Variants in AKAP12 observed in about 807,000 individuals in gnomAD.
AKAP12 encodes the protein A-kinase anchoring protein 12.
Under a neutral mutation model 79.9 loss-of-function variants are expected in AKAP12, and 32 were observed. The observed-to-expected ratio is 0.40, with a 90% CI of 0.30 to 0.54. The LOEUF is 0.54. AKAP12 is among the 20% of genes least tolerant of loss of function. The probability of loss-of-function intolerance (pLI) is 0.48; values close to 1 mark genes in which losing one functional copy is unlikely to be tolerated. For missense variants in AKAP12, 2,074 were observed against 2,177.0 expected (o/e 0.95, Z 0.94); for synonymous variants, 808 against 857.0 (o/e 0.94, Z 1.00).
intron 3 of AKAP12, 93 bp downstream of exon 3, chr6:151,305,996 G>C: frequency 1.5e-6 from 2 of 1,363,068 alleles, no homozygotes; most frequent in South Asian, 3.0e-5. Flanking sequence ...CCTGGTGGTG[G>C]ATTGGTGTTA....
chr6:151,278,594 TTGAC>T (rs1191094636), intron 2 of AKAP12, among the ~76,000 whole-genome samples: 6 of 152,218 alleles, frequency 3.9e-5, no homozygotes. Flanking sequence ...GTTCTGTTCT[TTGAC>T]TACTGTTGTA....
intron 2 of AKAP12, among the ~76,000 whole-genome samples, chr6:151,268,254 C>A (rs981473232): frequency 6.6e-6 from 1 of 152,010 alleles, no homozygotes; most frequent in Non-Finnish European, 1.5e-5. Context: ...TGTATTTCTA[C>A]TAGAAATACA....
In AKAP12 at chr6:151,354,961, G is replaced by A. The variant is rs150852567; in HGVS notation, c.*13-766G>A. On this transcript the variant is annotated intron_variant, in intron 4 of 4. Coordinates refer to ENST00000402676, the MANE Select transcript of AKAP12 (RefSeq NM_005100.4). ...CTCCCAAAGTGCTAGGATTACAGTCGTGAGCCACTGTGCTCAACCCATCTT... is the reference window on the plus strand; with the variant it reads ...CTCCCAAAGTGCTAGGATTACAGTCATGAGCCACTGTGCTCAACCCATCTT... Among the ~76,000 whole-genome samples, 335 of 152,098 alleles carry A rather than the reference G, an allele frequency of 2.2e-3. 3 individuals are homozygous for A. Among genetic ancestry groups the A allele is most frequent in the East Asian group, 0.013 (68 of 5,154 alleles).
intron 2 of AKAP12, among the ~76,000 whole-genome samples, chr6:151,302,442 G>A (rs992588884): frequency 2.0e-5 from 3 of 152,136 alleles, no homozygotes; most frequent in South Asian, 2.1e-4. Flanking sequence ...TACAGCGCAC[G>A]TCACAGTGCC....
At chr6:151,246,426 A>C (rs995721628) in intron 2 of AKAP12, among the ~76,000 whole-genome samples, 1 of 151,984 alleles carries the variant, frequency 6.6e-6, no homozygotes, top group African/African-American at 2.4e-5. Flanking sequence ...TCAAAAACAA[A>C]AACAAAAACA....
Position 151,352,881 on chromosome 6 carries a change from G to C in AKAP12, c.4490G>C (p.Ser1497Thr). ...TCTGCTACTACCAAGAAAGGCTTAAGTTCCGACCTGGAAGGAGAGAAAACC... is the reference window on the plus strand; with the variant it reads ...TCTGCTACTACCAAGAAAGGCTTAACTTCCGACCTGGAAGGAGAGAAAACC... ...IVSATTKKGL[S>T]SDLEGEKTTS... Residue 1497 changes from serine to threonine, a missense_variant, in exon 4 of 5, where the codon AGT (serine) becomes ACT (threonine). Physicochemically the swap from Ser to Thr is moderately conservative, Grantham distance 58 (BLOSUM62 1). This residue lies in a region of AKAP12 where 614 missense variants were observed against 665.6 expected (regional missense o/e 0.92). Transcript: ENST00000402676. 1.9e-6 allele frequency: 3 copies of C among 1,614,218 alleles called. No homozygotes were observed. Among genetic ancestry groups the C allele is most frequent in the Non-Finnish European group, 2.5e-6 (3 of 1,180,054 alleles).
At chr6:151,281,406 G>A (rs1210593147) in intron 2 of AKAP12, among the ~76,000 whole-genome samples, 2 of 152,162 alleles carry the variant, frequency 1.3e-5, no homozygotes, top group Non-Finnish European at 2.9e-5. Flanking sequence ...AGAGATAACT[G>A]TAATTCTGTA....
chr6:151,299,145 C>T (rs922064343), intron 2 of AKAP12, among the ~76,000 whole-genome samples: 17 of 152,138 alleles, frequency 1.1e-4, no homozygotes, highest in African/African-American at 3.9e-4. Flanking sequence ...TGCTTGGCTC[C>T]GTCCCGTTCA....
intron 2 of AKAP12, among the ~76,000 whole-genome samples, chr6:151,270,123 C>G (rs750191001): frequency 1.1e-4 from 16 of 152,282 alleles, no homozygotes; most frequent in Non-Finnish European, 1.8e-4. Context: ...GTGGCGAGAT[C>G]TTGGCTCACT....
chr6:151,307,584 C>T (rs1257204821), intron 3 of AKAP12, among the ~76,000 whole-genome samples: 1 of 152,114 alleles, frequency 6.6e-6, no homozygotes, highest in East Asian at 1.9e-4. Context: ...AGGGATGGGG[C>T]AGGGACACAG....
intron 2 of AKAP12, among the ~76,000 whole-genome samples, chr6:151,295,438 TG>T (rs763945838): frequency 3.3e-5 from 5 of 152,168 alleles, no homozygotes; most frequent in Non-Finnish European, 7.3e-5. Context: ...CAGAAAAATC[TG>T]GGATTTGTAG....
At chr6:151,297,617 TG>T (rs1776765511) in intron 2 of AKAP12, among the ~76,000 whole-genome samples, 2 of 151,536 alleles carry the variant, frequency 1.3e-5, no homozygotes, top group African/African-American at 4.9e-5. Flanking sequence ...TTTCTCTTCC[TG>T]TGTGCAAGTC....
intron 2 of AKAP12, among the ~76,000 whole-genome samples, chr6:151,270,956 A>T (rs143082852): frequency 6.6e-6 from 1 of 152,348 alleles, no homozygotes; most frequent in East Asian, 1.9e-4. Context: ...GCTTCTGAAT[A>T]ACAGTTCTTA....
At chr6:151,326,609 G>A (rs1459197450) in intron 3 of AKAP12, among the ~76,000 whole-genome samples, 4 of 151,682 alleles carry the variant, frequency 2.6e-5, no homozygotes, top group Non-Finnish European at 4.4e-5. Context: ...TAACTTACAC[G>A]CATCAAACTT....
chr6:151,306,317 C>T (rs7746910), intron 3 of AKAP12, among the ~76,000 whole-genome samples: 3,321 of 152,178 alleles, frequency 0.022, 108 homozygotes, highest in African/African-American at 0.077. Flanking sequence ...TGATGTGCTG[C>T]GTGTTTTATA....
intron 2 of AKAP12, among the ~76,000 whole-genome samples, chr6:151,254,876 G>C (rs1797261220): frequency 6.6e-6 from 1 of 152,164 alleles, no homozygotes; most frequent in African/African-American, 2.4e-5. Context: ...TGCATGACAG[G>C]GAGGAATGCA....
intron 2 of AKAP12, among the ~76,000 whole-genome samples, chr6:151,259,802 C>T (rs2114696617): frequency 1.3e-5 from 2 of 152,066 alleles, no homozygotes; most frequent in South Asian, 4.2e-4. Context: ...GTCTTGAACT[C>T]CTGGCCTCAA....
At chr6:151,331,254 T>G (rs937535850) in intron 3 of AKAP12, among the ~76,000 whole-genome samples, 24 of 152,176 alleles carry the variant, frequency 1.6e-4, no homozygotes, top group Non-Finnish European at 3.2e-4. Context: ...TTTTTTAACC[T>G]TGAAGGGGCT....
intron 3 of AKAP12, among the ~76,000 whole-genome samples, chr6:151,315,791 G>A (rs773880141): frequency 7.9e-5 from 12 of 152,112 alleles, no homozygotes; most frequent in African/African-American, 2.4e-4. Context: ...CTGCAGGGGC[G>A]GGGAGGCCTC....
Sources: allele counts gnomAD v4.1 joint callset (sites outside exome capture counted in the v4.1 genomes callset), GRCh38; gene constraint gnomAD v4.1.1; regional missense constraint gnomAD v4.1.1; transcripts MANE v1.5; gene names NCBI Gene and HGNC (gene_info 2026-07-23, HGNC 2026-07-21).